The following TRERF1 variants were observed in gnomAD, a reference collection of about 807,000 sequenced individuals.
The protein encoded by TRERF1 is transcriptional-regulating factor 1.
Under a neutral mutation model 122.9 loss-of-function variants are expected in TRERF1, and 27 were observed. The observed-to-expected ratio is 0.22, with a 90% CI of 0.16 to 0.30. The LOEUF is 0.30. Ranked by LOEUF, TRERF1 falls within the 10% of genes least tolerant of loss-of-function variation. The probability of loss-of-function intolerance (pLI) is 1.00; values close to 1 mark genes in which losing one functional copy is unlikely to be tolerated. For synonymous variants in TRERF1, 636 were observed against 641.7 expected (o/e 0.99, Z 0.13); for missense variants, 1,248 against 1,560.3 (o/e 0.80, Z 3.37).
At chr6:42,258,746 T>C (rs1019441228) in intron 9 of TRERF1, among the ~76,000 whole-genome samples, 1 of 152,128 alleles carries the variant, frequency 6.6e-6, no homozygotes, top group Non-Finnish European at 1.5e-5. Flanking sequence ...CGTTATTTTT[T>C]TTTTTGAGAC....
At chr6:42,347,365 A>G (rs763436224) in intron 3 of TRERF1, among the ~76,000 whole-genome samples, 3 of 152,252 alleles carry the variant, frequency 2.0e-5, no homozygotes, top group Non-Finnish European at 4.4e-5. Flanking sequence ...CAGAACACAA[A>G]GCACAATAAG....
At chr6:42,378,291 C>T (rs564189635) in intron 2 of TRERF1, among the ~76,000 whole-genome samples, 21 of 151,534 alleles carry the variant, frequency 1.4e-4, no homozygotes, top group Non-Finnish European at 2.4e-4. Context: ...CTTGATAAGT[C>T]GAGGCGATAC....
At position 42,449,351 on chromosome 6, in the gene TRERF1, G is replaced by A. The variant is rs115008138; in HGVS notation, c.-454+1826C>T. ...AGCCCAGAGAGGTGTGTCACTCCGG[G>A]TATCAATTCCTATAAATCAGATCCT... On this transcript the variant is annotated intron_variant, in intron 2 of 17. Coordinates refer to ENST00000372922, the Ensembl canonical transcript of TRERF1. 4.3e-3 allele frequency among the ~76,000 whole-genome samples: 658 copies of A among 152,164 alleles called. 8 individuals are homozygous for A. Among genetic ancestry groups the A allele is most frequent in the African/African-American group, 0.015 (610 of 41,506 alleles).
intron 4 of TRERF1, among the ~76,000 whole-genome samples, chr6:42,294,845 A>G (rs1784835425): frequency 6.6e-6 from 1 of 152,198 alleles, no homozygotes; most frequent in Admixed American, 6.5e-5. Flanking sequence ...GTGTCATCTG[A>G]TGAAGAATGT....
chr6:42,336,619 C>T (rs768870706), intron 3 of TRERF1, among the ~76,000 whole-genome samples: 13 of 152,148 alleles, frequency 8.5e-5, no homozygotes, highest in Non-Finnish European at 1.6e-4. Flanking sequence ...CACTCTAAGC[C>T]CTTCACAGAA....
At chr6:42,233,591 T>G (rs1450102717) in intron 16 of TRERF1, among the ~76,000 whole-genome samples, 1 of 152,096 alleles carries the variant, frequency 6.6e-6, no homozygotes, top group Non-Finnish European at 1.5e-5. Flanking sequence ...GGCCTCAAAC[T>G]TTTTTAAAGA....
rs574740536 is a variant in TRERF1, at chr6:42,337,244, G to A, written c.-371+25753C>T. Among the ~76,000 whole-genome samples, 8 of 152,340 alleles carry A rather than the reference G, an allele frequency of 5.3e-5. No individual in the cohort carries two copies. The South Asian group carries it at 1.7e-3, about 32-fold the overall frequency. Reference sequence around the variant, plus strand: ...CCCCTCTCAGAGTGGGGCTGGACCAGCTGTGTGCAGCCCGAGGGCCAGGGA... The same window carrying A: ...CCCCTCTCAGAGTGGGGCTGGACCAACTGTGTGCAGCCCGAGGGCCAGGGA... On this transcript the variant is annotated intron_variant, in intron 3 of 17. Transcript: ENST00000372922.
intron 15 of TRERF1, among the ~76,000 whole-genome samples, chr6:42,239,962 A>C (rs895313705): frequency 1.1e-4 from 17 of 151,874 alleles, no homozygotes; most frequent in Admixed American, 1.0e-3. Flanking sequence ...CCAGCCTAAC[A>C]CTGGCTCCTG....
At chr6:42,273,676 G>A (rs978748070) in intron 4 of TRERF1, among the ~76,000 whole-genome samples, 1 of 152,230 alleles carries the variant, frequency 6.6e-6, no homozygotes, top group Non-Finnish European at 1.5e-5. Flanking sequence ...ACATTTGTAA[G>A]AAAAGGATAA....
At chr6:42,322,139 G>A (rs1763559800) in intron 3 of TRERF1, among the ~76,000 whole-genome samples, 1 of 152,126 alleles carries the variant, frequency 6.6e-6, no homozygotes, top group Non-Finnish European at 1.5e-5. Context: ...CAAGAAATAT[G>A]ATAGTAAGAA....
intron 2 of TRERF1, among the ~76,000 whole-genome samples, chr6:42,429,079 AC>A (rs1784092522): frequency 6.6e-6 from 1 of 152,200 alleles, no homozygotes; most frequent in African/African-American, 2.4e-5. Flanking sequence ...ATGTTACTGA[AC>A]AAATGAATGA....
chr6:42,362,613 C>A lies in TRERF1; in HGVS notation c.-371+384G>T, dbSNP rs151191403. On this transcript the variant is annotated intron_variant, in intron 3 of 17. Coordinates refer to ENST00000372922, the Ensembl canonical transcript of TRERF1. ...CCAGGGCCAGCTAAGGCTCCTGAGT[C>A]CAGCAATCCGCCTCTGGCAGGCTCT... Among the ~76,000 whole-genome samples, 5 of 152,328 alleles carry A rather than the reference C, an allele frequency of 3.3e-5. No homozygotes were observed. The East Asian group carries it at 7.7e-4, about 24-fold the overall frequency.
chr6:42,268,788 T>C lies in TRERF1; in HGVS notation c.803A>G (p.Gln268Arg), dbSNP rs770383433. 1 of 1,614,128 alleles carries C rather than the reference T, an allele frequency of 6.2e-7. No individual in the cohort carries two copies. The highest frequency in any genetic ancestry group is 8.5e-7 in the Non-Finnish European group (1 of 1,180,002). The change falls in exon 5 of 18, where the codon CAG (glutamine) becomes CGG (arginine). Residue 268 changes from glutamine to arginine, a missense_variant. Transcript: ENST00000372922. The surrounding 1 kb of genome is among the most constrained non-coding windows in gnomAD (Gnocchi z 4.4). ...CTGCTGTTGCTGCGGTGGGTAATAC[T>C]GGTGCTGCTGCATCTGTTGCATGTG...
chr6:42,438,132 G>C (rs1241903934), intron 2 of TRERF1, among the ~76,000 whole-genome samples: 1 of 151,506 alleles, frequency 6.6e-6, no homozygotes, highest in Non-Finnish European at 1.5e-5. Flanking sequence ...ATGTTGGCCA[G>C]GCTGGTCTCG....
intron 2 of TRERF1, among the ~76,000 whole-genome samples, chr6:42,414,041 AT>A (rs1488694385): frequency 6.6e-6 from 1 of 152,246 alleles, no homozygotes; most frequent in African/African-American, 2.4e-5. Flanking sequence ...AGTGCCACTG[AT>A]ACAAGGAATT....
At chr6:42,245,667 G>A (rs1285873260) in intron 14 of TRERF1, among the ~76,000 whole-genome samples, 1 of 152,228 alleles carries the variant, frequency 6.6e-6, no homozygotes, top group African/African-American at 2.4e-5. Context: ...GCTTTCGAAT[G>A]CTGTATACGC....
Position 42,439,294 on chromosome 6 carries a change from C to T in TRERF1, c.-454+11883G>A, listed in dbSNP as rs540828285. Among the ~76,000 whole-genome samples, 10 of 152,246 alleles carry T rather than the reference C, an allele frequency of 6.6e-5. No individual in the cohort carries two copies. The East Asian group carries it at 1.4e-3, about 21-fold the overall frequency. ...AGGACTACGCTCCGTAACGTGACAT[C>T]GGGTTCTCCCTGCCCAATCCCTGCT... On this transcript the variant is annotated intron_variant, in intron 2 of 17. Transcript: ENST00000372922.
intron 3 of TRERF1, among the ~76,000 whole-genome samples, chr6:42,314,124 T>C (rs905305328): frequency 3.9e-5 from 6 of 152,026 alleles, no homozygotes; most frequent in African/African-American, 1.4e-4. Flanking sequence ...TTGTGGCTCA[T>C]AACTGAAGAC....
intron 2 of TRERF1, among the ~76,000 whole-genome samples, chr6:42,408,257 A>ATGTG (rs764767829): frequency 5.7e-5 from 5 of 87,626 alleles, no homozygotes; most frequent in African/African-American, 1.6e-4. Flanking sequence ...ATACATACAC[A>ATGTG]TGTGTGTGTA....
Sources: allele counts gnomAD v4.1 joint callset (sites outside exome capture counted in the v4.1 genomes callset), GRCh38; gene constraint gnomAD v4.1.1; non-coding constraint Gnocchi (gnomAD v3.1); transcripts MANE v1.5; gene names NCBI Gene and HGNC (gene_info 2026-07-23, HGNC 2026-07-21).